Variants in FYN observed in about 807,000 individuals in gnomAD.
FYN encodes FYN proto-oncogene, Src family tyrosine kinase, also known as tyrosine-protein kinase Fyn.
FYN carries 10 observed loss-of-function variants against 70.2 expected under a neutral mutation model. The observed-to-expected ratio is 0.14, with a 90% CI of 0.09 to 0.24. The LOEUF is 0.24. FYN is among the 10% of genes least tolerant of loss of function. The pLI, the probability that FYN is intolerant of heterozygous loss-of-function variation, is 1.00. For synonymous variants in FYN, 236 were observed against 248.6 expected (o/e 0.95, Z 0.48); for missense variants, 319 against 673.1 (o/e 0.47, Z 5.82).
chr6:111,808,261 C>T (rs760273785), intron 2 of FYN, among the ~76,000 whole-genome samples: 4 of 152,172 alleles, frequency 2.6e-5, no homozygotes, highest in Non-Finnish European at 5.9e-5. Context: ...ACAGGTGGCA[C>T]CCTCAAATTA....
chr6:111,669,730 C>T (rs969941470), intron 13 of FYN, among the ~76,000 whole-genome samples: 1 of 152,058 alleles, frequency 6.6e-6, no homozygotes, highest in African/African-American at 2.4e-5. Flanking sequence ...TTTCAAAAAC[C>T]TCATAGGTGA....
intron 3 of FYN, among the ~76,000 whole-genome samples, chr6:111,777,196 A>T (rs1223643310): frequency 6.6e-6 from 1 of 152,202 alleles, no homozygotes; most frequent in Non-Finnish European, 1.5e-5. Context: ...AAGCCGTCAG[A>T]GGCCCATCTG....
At chr6:111,699,383 G>A (rs1004053254) in intron 9 of FYN, 26 of 934,278 alleles carry the variant, frequency 2.8e-5, no homozygotes, top group Non-Finnish European at 3.7e-5. Context: ...TGAAAATCTG[G>A]ATGGCCTGTG....
chr6:111,787,258 G>C (rs1039888159), intron 2 of FYN, among the ~76,000 whole-genome samples: 1 of 152,102 alleles, frequency 6.6e-6, no homozygotes, highest in Non-Finnish European at 1.5e-5. Flanking sequence ...TGTTAGGAAG[G>C]GATCCAGTTT....
intron 3 of FYN, among the ~76,000 whole-genome samples, chr6:111,744,994 A>G (rs1181067031): frequency 1.3e-5 from 2 of 152,194 alleles, no homozygotes; most frequent in Non-Finnish European, 2.9e-5. Context: ...TGGGACTGGA[A>G]TACTTTAACA....
intron 2 of FYN, among the ~76,000 whole-genome samples, chr6:111,809,169 T>C (rs1772245238): frequency 6.6e-6 from 1 of 152,120 alleles, no homozygotes; most frequent in Non-Finnish European, 1.5e-5. Context: ...TCCAGTTAGG[T>C]TTTACCTCCA....
chr6:111,872,374 A>G, intron 1 of FYN, among the ~76,000 whole-genome samples: 1 of 92,546 alleles, frequency 1.1e-5, no homozygotes, highest in Non-Finnish European at 2.0e-5. Context: ...AGAGGAGGGA[A>G]GGCTCCAGCA....
At chr6:111,698,594 C>T (rs75619810) in intron 9 of FYN, among the ~76,000 whole-genome samples, 200 of 152,110 alleles carry the variant, frequency 1.3e-3, no homozygotes, top group African/African-American at 4.7e-3. Context: ...TGAGTGGGGC[C>T]TAAACCCATG....
chr6:111,693,113 GTTTAACATTTTT>G (rs1799415026), intron 12 of FYN, among the ~76,000 whole-genome samples: 1 of 152,188 alleles, frequency 6.6e-6, no homozygotes, highest in Non-Finnish European at 1.5e-5. Flanking sequence ...CAGGGTCTTA[GTTTAACATTTTT>G]CCTCATCACT....
chr6:111,804,309 A>G (rs1323840007), intron 2 of FYN, among the ~76,000 whole-genome samples: 1 of 152,094 alleles, frequency 6.6e-6, no homozygotes, highest in East Asian at 1.9e-4. Flanking sequence ...GGAACTGGGG[A>G]ACAGAGACCT....
intron 1 of FYN, among the ~76,000 whole-genome samples, chr6:111,859,578 T>C (rs556305952): frequency 2.4e-4 from 37 of 152,340 alleles, no homozygotes; most frequent in African/African-American, 3.4e-4. Flanking sequence ...TCTTCTTACA[T>C]GCAAATTTCA....
chr6:111,683,814 C>A (rs1348625990), intron 12 of FYN, among the ~76,000 whole-genome samples: 2 of 151,808 alleles, frequency 1.3e-5, no homozygotes, highest in South Asian at 2.1e-4. Flanking sequence ...GACAGGATAT[C>A]CTGTGAAAGA....
chr6:111,789,239 T>C (rs1033161709), intron 2 of FYN, among the ~76,000 whole-genome samples: 1 of 152,182 alleles, frequency 6.6e-6, no homozygotes, highest in Non-Finnish European at 1.5e-5. Context: ...TATAAGCTCA[T>C]GCTCAGCTGC....
In FYN at chr6:111,818,600, C is replaced by T. The variant is rs1342501880; in HGVS notation, c.-82+27989G>A. 4 of 152,522 alleles carry T rather than the reference C, an allele frequency of 2.6e-5. No homozygotes were observed. In the East Asian group the frequency reaches 7.7e-4, roughly 29 times the overall value. The allele number at this position is 152,522 out of a possible 1,614,324, so 9.4% of individuals were successfully genotyped here. Reference sequence around the variant, plus strand: ...CCCATCCCAGGGGCCCAGCTCCCTCCATGGTAATGAGTACCTGGTCTGTTG... The same window carrying T: ...CCCATCCCAGGGGCCCAGCTCCCTCTATGGTAATGAGTACCTGGTCTGTTG... On this transcript the variant is annotated intron_variant, in intron 2 of 13. Coordinates refer to ENST00000354650, the MANE Select transcript of FYN (RefSeq NM_002037.5).
intron 2 of FYN, among the ~76,000 whole-genome samples, chr6:111,827,448 G>A (rs574630575): frequency 1.1e-4 from 17 of 152,060 alleles, no homozygotes; most frequent in Non-Finnish European, 2.1e-4. Flanking sequence ...AAACCATTCC[G>A]GCTCATGCCC....
intron 1 of FYN, among the ~76,000 whole-genome samples, chr6:111,870,491 C>T (rs1264184462): frequency 6.6e-5 from 10 of 152,200 alleles, no homozygotes; most frequent in Non-Finnish European, 1.5e-4. Flanking sequence ...TGAGCACATA[C>T]CAAAGACCTA....
At chr6:111,684,953 C>T (rs868426671) in intron 12 of FYN, among the ~76,000 whole-genome samples, 16 of 151,984 alleles carry the variant, frequency 1.1e-4, no homozygotes, top group South Asian at 1.0e-3. Context: ...TTCCAGTTTC[C>T]GAAGAGCCAG....
intron 2 of FYN, among the ~76,000 whole-genome samples, chr6:111,787,220 T>C (rs745971403): frequency 6.6e-6 from 1 of 152,240 alleles, no homozygotes. Context: ...AAGTCTTTAA[T>C]TCATCTTGAA....
chr6:111,784,801 G>A (rs918969907), intron 2 of FYN, among the ~76,000 whole-genome samples: 4 of 152,190 alleles, frequency 2.6e-5, no homozygotes, highest in South Asian at 2.1e-4. Context: ...AGAGCCAGCT[G>A]GTCTGGGAAA....
Sources: allele counts gnomAD v4.1 joint callset (sites outside exome capture counted in the v4.1 genomes callset), GRCh38; gene constraint gnomAD v4.1.1; transcripts MANE v1.5; gene names NCBI Gene and HGNC (gene_info 2026-07-23, HGNC 2026-07-21).